The following MCTP1 variants were observed in gnomAD, a reference collection of about 807,000 sequenced individuals.
MCTP1 encodes the protein multiple C2 and transmembrane domain containing 1, also known as multiple C2 and transmembrane domain-containing protein 1.
MCTP1 carries 69 observed loss-of-function variants against 120.6 expected under a neutral mutation model. That is an observed-to-expected ratio of 0.57 (90% confidence interval 0.47 to 0.70). The LOEUF (loss-of-function observed/expected upper bound fraction) is 0.70, where lower values mean the gene tolerates loss of function less well. Ranked by LOEUF, MCTP1 falls within the 30% of genes least tolerant of loss-of-function variation. MCTP1 has a pLI of 0.00. For synonymous variants in MCTP1, 529 were observed against 493.1 expected, an observed-to-expected ratio of 1.07 and a Z score of -0.96; for missense variants, 1,203 against 1,248.8, an observed-to-expected ratio of 0.96 and a Z score of 0.55.
At chr5:94,993,350 A>C (rs944458899) in intron 2 of MCTP1, among the ~76,000 whole-genome samples, 9 of 152,198 alleles carry the variant, frequency 5.9e-5, no homozygotes, top group African/African-American at 1.9e-4. Context: ...CACAGTGGAC[A>C]AAATCTATGC....
chr5:94,810,915 A>C (rs979743189), intron 17 of MCTP1, among the ~76,000 whole-genome samples: 12 of 152,212 alleles, frequency 7.9e-5, no homozygotes, highest in Non-Finnish European at 1.3e-4. Flanking sequence ...CCAAAGTCAG[A>C]AAGTGTGTTT....
At chr5:95,086,084 G>A (rs1352690323) in intron 1 of MCTP1, among the ~76,000 whole-genome samples, 2 of 151,104 alleles carry the variant, frequency 1.3e-5, no homozygotes, top group African/African-American at 4.9e-5. Flanking sequence ...ATTTTTTTCT[G>A]TTATTTACCT....
At chr5:94,788,377 T>G (rs1778197282) in intron 18 of MCTP1, among the ~76,000 whole-genome samples, 1 of 152,208 alleles carries the variant, frequency 6.6e-6, no homozygotes, top group South Asian at 2.1e-4. Flanking sequence ...CTTTAAAAAA[T>G]GAACACAAAA....
rs187144619 is a variant in MCTP1 at position 94,889,969 on chromosome 5, T to C, written c.1840-997A>G. Among the ~76,000 whole-genome samples, 570 of 152,310 alleles carry C rather than the reference T, an allele frequency of 3.7e-3. 3 individuals are homozygous for C. The highest frequency in any genetic ancestry group is 6.5e-3 in the Non-Finnish European group (442 of 68,026). On this transcript the variant is annotated intron_variant, in intron 11 of 22. Coordinates refer to ENST00000515393, the MANE Select transcript of MCTP1 (RefSeq NM_024717.7). ...CAAGAAAAATTTTCATCTGTAGATA[T>C]AATGGTTTGGAGATTAGTGGCTTTT...
chr5:95,209,557 G>A (rs1413176364), intron 1 of MCTP1, among the ~76,000 whole-genome samples: 1 of 152,086 alleles, frequency 6.6e-6, no homozygotes, highest in African/African-American at 2.4e-5. Flanking sequence ...CCATGATCCA[G>A]TCTCAATTTA....
chr5:95,062,788 ATC>A (rs1308051447), intron 1 of MCTP1, among the ~76,000 whole-genome samples: 2 of 131,754 alleles, frequency 1.5e-5, no homozygotes, highest in South Asian at 2.8e-4. Flanking sequence ...CCAGGAACTG[ATC>A]TCTGTTTTAT....
At chr5:95,125,281 T>G (rs1349786620) in intron 1 of MCTP1, among the ~76,000 whole-genome samples, 1 of 152,260 alleles carries the variant, frequency 6.6e-6, no homozygotes, top group Non-Finnish European at 1.5e-5. Context: ...AACTTCCAAG[T>G]GGACCACTTG....
chr5:95,175,178 CT>C (rs1747818071), intron 1 of MCTP1, among the ~76,000 whole-genome samples: 1 of 152,178 alleles, frequency 6.6e-6, no homozygotes. Context: ...AAATGATGCT[CT>C]GAGATTAGAA....
intron 17 of MCTP1, among the ~76,000 whole-genome samples, chr5:94,853,638 C>T (rs1794178331): frequency 1.3e-5 from 2 of 151,844 alleles, no homozygotes; most frequent in African/African-American, 4.8e-5. Flanking sequence ...AGGTACAGTT[C>T]TCATCAAGAA....
At chr5:95,207,956 AGG>A (rs1428600610) in intron 1 of MCTP1, among the ~76,000 whole-genome samples, 11 of 92,644 alleles carry the variant, frequency 1.2e-4, no homozygotes, top group Middle Eastern at 9.9e-3. Flanking sequence ...AGGGAGAGAG[AGG>A]GAGAGAGAGG....
chr5:94,742,786 T>C (rs1270289327), intron 19 of MCTP1, among the ~76,000 whole-genome samples: 2 of 152,224 alleles, frequency 1.3e-5, no homozygotes, highest in African/African-American at 4.8e-5. Context: ...TGTTCCTTCA[T>C]GTCAGACTAA....
chr5:94,798,997 G>T lies in MCTP1; in HGVS notation c.2556+16C>A. The T allele has an allele frequency of 6.2e-7, 1 of 1,602,468 alleles. No homozygotes were observed. The highest frequency in any genetic ancestry group is 1.1e-5 in the South Asian group (1 of 88,670). ...TAAGAACAAAAACACATACAAGTAA[G>T]AGAGTAGAGACTTACTGTATCACGT... On this transcript the variant is annotated intron_variant, in intron 18 of 22. Coordinates refer to ENST00000515393, the MANE Select transcript of MCTP1 (RefSeq NM_024717.7).
chr5:95,227,605 T>A (rs146465117), intron 1 of MCTP1, among the ~76,000 whole-genome samples: 69 of 152,334 alleles, frequency 4.5e-4, no homozygotes, highest in African/African-American at 1.4e-3. Flanking sequence ...GTTTATAACA[T>A]CTTCTAGAAT....
chr5:94,872,084 T>C (rs1797943683), intron 13 of MCTP1, among the ~76,000 whole-genome samples: 1 of 152,144 alleles, frequency 6.6e-6, no homozygotes, highest in African/African-American at 2.4e-5. Flanking sequence ...TTTTTATTTC[T>C]GGAAAATAAG....
chr5:94,936,890 C>A (rs918327710), intron 5 of MCTP1, among the ~76,000 whole-genome samples: 9 of 152,108 alleles, frequency 5.9e-5, no homozygotes, highest in South Asian at 2.1e-4. Flanking sequence ...ATCTTTCTCC[C>A]CTCCCTCCTT....
At chr5:94,945,970 C>T (rs1818813961) in intron 3 of MCTP1, among the ~76,000 whole-genome samples, 1 of 152,052 alleles carries the variant, frequency 6.6e-6, no homozygotes, top group Non-Finnish European at 1.5e-5. Flanking sequence ...GGCCGTGGGG[C>T]CTACCATCAT....
At chr5:94,864,224 A>G (rs1796363135) in intron 17 of MCTP1, among the ~76,000 whole-genome samples, 1 of 151,884 alleles carries the variant, frequency 6.6e-6, no homozygotes, top group Non-Finnish European at 1.5e-5. Context: ...GAACAGAAAG[A>G]AATGTATTTT....
chr5:95,248,019 A>T (rs552164287), intron 1 of MCTP1, among the ~76,000 whole-genome samples: 3 of 152,208 alleles, frequency 2.0e-5, no homozygotes, highest in Non-Finnish European at 4.4e-5. Flanking sequence ...GATGGAACAT[A>T]TCTCAAAATA....
At chr5:95,033,344 C>G (rs1026222900) in intron 1 of MCTP1, among the ~76,000 whole-genome samples, 1 of 151,990 alleles carries the variant, frequency 6.6e-6, no homozygotes, top group African/African-American at 2.4e-5. Flanking sequence ...TACTAGCAAG[C>G]CAAATCCAGC....
Sources: gnomAD v4.1 joint callset for allele counts (sites outside exome capture counted in the v4.1 genomes callset) on GRCh38, gnomAD v4.1.1 for gene constraint, MANE v1.5 for transcripts, NCBI Gene and HGNC (gene_info 2026-07-23, HGNC 2026-07-21) for gene names.